ELK3: variants seen among roughly 807,000 people sequenced by gnomAD.
ELK3 encodes ETS transcription factor ELK3, also known as ETS domain-containing protein Elk-3.
A neutral mutation model predicts 28.9 loss-of-function variants in ELK3; 10 were observed. The ratio of observed to expected loss-of-function variants is 0.35; its 90% CI spans 0.21 to 0.59. The LOEUF (loss-of-function observed/expected upper bound fraction) is 0.59. ELK3 is among the 20% of genes least tolerant of loss of function. The probability of loss-of-function intolerance (pLI) is 0.82; values close to 1 mark genes in which losing one functional copy is unlikely to be tolerated. For missense variants in ELK3, 463 were observed against 517.3 expected, an observed-to-expected ratio of 0.90 and a Z score of 1.02; for synonymous variants, 272 against 243.5, an observed-to-expected ratio of 1.12 and a Z score of -1.09.
chr12:96,216,270 A>C (rs1951617643), intron 1 of ELK3, among the ~76,000 whole-genome samples: 1 of 152,120 alleles, frequency 6.6e-6, no homozygotes, highest in Non-Finnish European at 1.5e-5. Context: ...ATGGGAGCCG[A>C]ATGTACCCCA....
chr12:96,238,159 A>G (rs563335886), intron 2 of ELK3, among the ~76,000 whole-genome samples: 36 of 152,338 alleles, frequency 2.4e-4, no homozygotes, highest in African/African-American at 8.4e-4. Context: ...GAATAAAATG[A>G]AAAGTGTGAT....
At chr12:96,203,465 T>G (rs114423184) in intron 1 of ELK3, among the ~76,000 whole-genome samples, 2,775 of 152,308 alleles carry the variant, frequency 0.018, 80 homozygotes, top group African/African-American at 0.063. Context: ...CTCAGCACTT[T>G]GTACAATACC....
At chr12:96,253,438 G>A (rs1170979705) in intron 3 of ELK3, among the ~76,000 whole-genome samples, 1 of 152,186 alleles carries the variant, frequency 6.6e-6, no homozygotes, top group East Asian at 1.9e-4. Flanking sequence ...CCCCATGGGA[G>A]TCTCCATTTT....
At chr12:96,216,486 A>G (rs1005309482) in intron 1 of ELK3, among the ~76,000 whole-genome samples, 11 of 152,218 alleles carry the variant, frequency 7.2e-5, no homozygotes, top group African/African-American at 2.7e-4. Flanking sequence ...GTCACCTTAT[A>G]AACCACAGTC....
At position 96,232,925 on chromosome 12, in the gene ELK3, A is replaced by G. The variant is rs1951753945; in HGVS notation, c.207+9152A>G. ...AGAGGCTGCAGTGAGCTCTTACTAT[A>G]TGACTGCACTCCAGCCTCGGCAACA... On this transcript the variant is annotated intron_variant, in intron 2 of 4. Coordinates refer to ENST00000228741, the MANE Select transcript of ELK3 (RefSeq NM_005230.4). 2.0e-5 allele frequency among the ~76,000 whole-genome samples: 3 copies of G among 152,188 alleles called. No individual in the cohort carries two copies. The South Asian group carries it at 6.2e-4, about 32-fold the overall frequency.
chr12:96,228,731 C>G (rs988315621), intron 2 of ELK3, among the ~76,000 whole-genome samples: 1 of 152,218 alleles, frequency 6.6e-6, no homozygotes, highest in African/African-American at 2.4e-5. Flanking sequence ...GCAGTTGGAG[C>G]CAGTCTCCAC....
intron 1 of ELK3, among the ~76,000 whole-genome samples, chr12:96,208,347 C>G (rs1178432994): frequency 6.6e-6 from 1 of 152,242 alleles, no homozygotes; most frequent in African/African-American, 2.4e-5. Context: ...CCACTGCACC[C>G]AGCCAGAGGG....
At chr12:96,200,065 T>G (rs1951499120) in intron 1 of ELK3, among the ~76,000 whole-genome samples, 1 of 152,162 alleles carries the variant, frequency 6.6e-6, no homozygotes, top group Non-Finnish European at 1.5e-5. Flanking sequence ...TCTCTTTTTA[T>G]TTTTTAAATT....
intron 1 of ELK3, among the ~76,000 whole-genome samples, chr12:96,196,886 C>CT (rs1951473425): frequency 6.7e-6 from 1 of 150,314 alleles, no homozygotes; most frequent in African/African-American, 2.5e-5. Context: ...GTTGGCAGTT[C>CT]TTTTACGGTG....
chr12:96,229,723 GGTTTCAATAT>G, intron 2 of ELK3, among the ~76,000 whole-genome samples: 1 of 151,642 alleles, frequency 6.6e-6, no homozygotes, highest in East Asian at 1.9e-4. Flanking sequence ...GTAGAGATGG[GGTTTCAATAT>G]GTTGGCCAGG....
At chr12:96,234,143 C>T (rs536570908) in intron 2 of ELK3, among the ~76,000 whole-genome samples, 17 of 152,290 alleles carry the variant, frequency 1.1e-4, no homozygotes, top group African/African-American at 3.6e-4. Flanking sequence ...CAGGGGGCTG[C>T]GTGTTGACTG....
chr12:96,231,836 C>T (rs1234222535), intron 2 of ELK3, among the ~76,000 whole-genome samples: 1 of 152,208 alleles, frequency 6.6e-6, no homozygotes, highest in Admixed American at 6.5e-5. Context: ...CTTCTTTCAC[C>T]TCTGCCTTTT....
At chr12:96,201,783 A>C (rs557629750) in intron 1 of ELK3, among the ~76,000 whole-genome samples, 1 of 152,256 alleles carries the variant, frequency 6.6e-6, no homozygotes, top group African/African-American at 2.4e-5. Flanking sequence ...ACAAACAGCT[A>C]TTTTGTGGTG....
At chr12:96,195,096 G>C (rs2136994216) in intron 1 of ELK3, among the ~76,000 whole-genome samples, 1 of 152,234 alleles carries the variant, frequency 6.6e-6, no homozygotes, top group East Asian at 1.9e-4. Context: ...GCGAGACTTC[G>C]GGTCCCTGGG....
chr12:96,226,947 T>C (rs573641741), intron 2 of ELK3, among the ~76,000 whole-genome samples: 3 of 152,278 alleles, frequency 2.0e-5, no homozygotes, highest in Admixed American at 1.3e-4. Context: ...TATTTGACAT[T>C]TTCCGATGAC....
chr12:96,205,178 G>T (rs967002033), intron 1 of ELK3, among the ~76,000 whole-genome samples: 2 of 152,222 alleles, frequency 1.3e-5, no homozygotes, highest in East Asian at 3.8e-4. Flanking sequence ...TTCACAACGA[G>T]AAGTCAGGAG....
intron 1 of ELK3, among the ~76,000 whole-genome samples, chr12:96,205,252 C>G (rs991428938): frequency 1.3e-5 from 2 of 152,212 alleles, no homozygotes; most frequent in African/African-American, 4.8e-5. Flanking sequence ...ATCACCTCAG[C>G]ACATCCCATT....
intron 3 of ELK3, among the ~76,000 whole-genome samples, chr12:96,254,696 C>A (rs1951934318): frequency 6.6e-6 from 1 of 151,958 alleles, no homozygotes; most frequent in Non-Finnish European, 1.5e-5. Context: ...ACTTAAGTCC[C>A]TTCATCTAGT....
intron 1 of ELK3, among the ~76,000 whole-genome samples, chr12:96,214,516 ACCTAC>A (rs2137007938): frequency 6.6e-6 from 1 of 152,294 alleles, no homozygotes; most frequent in East Asian, 1.9e-4. Context: ...GGTGAGCAAT[ACCTAC>A]TTTTGTTTAC....
Sources: allele counts gnomAD v4.1 joint callset (sites outside exome capture counted in the v4.1 genomes callset), GRCh38; gene constraint gnomAD v4.1.1; transcripts MANE v1.5; gene names NCBI Gene and HGNC (gene_info 2026-07-23, HGNC 2026-07-21).